LCORL: variants seen among roughly 807,000 people sequenced by gnomAD.
LCORL encodes the protein ligand-dependent nuclear receptor corepressor-like protein.
LCORL carries 41 observed loss-of-function variants against 141.8 expected under a neutral mutation model. That is an observed-to-expected ratio of 0.29 (90% CI 0.23 to 0.38). LCORL has a LOEUF of 0.38. LCORL is among the 10% of genes least tolerant of loss of function. The probability of loss-of-function intolerance (pLI) is 1.00; values close to 1 mark genes in which losing one functional copy is unlikely to be tolerated. For synonymous variants in LCORL, 618 were observed against 694.1 expected (o/e 0.89, Z 1.72); for missense variants, 1,759 against 2,035.0 (o/e 0.86, Z 2.61).
intron 7 of LCORL, among the ~76,000 whole-genome samples, chr4:17,848,880 C>A (rs1442271393): frequency 6.6e-6 from 1 of 152,226 alleles, no homozygotes; most frequent in Non-Finnish European, 1.5e-5. Context: ...GAGATTATAT[C>A]CCACACCTGG....
At chr4:18,007,649 A>G (rs1377815179) in intron 1 of LCORL, among the ~76,000 whole-genome samples, 1 of 152,180 alleles carries the variant, frequency 6.6e-6, no homozygotes, top group Non-Finnish European at 1.5e-5. Context: ...AAGAAAATAT[A>G]AGCAAAAGGA....
chr4:18,021,506 G>A lies in LCORL; in HGVS notation c.154+92C>T. ...TCCCCCACCGAACTAACCCGAACGGGAGATTCAACTAAACCCCTCAGCCAC... is the reference window on the plus strand; with the variant it reads ...TCCCCCACCGAACTAACCCGAACGGAAGATTCAACTAAACCCCTCAGCCAC... On this transcript the variant is annotated intron_variant, in intron 1 of 7. Coordinates refer to ENST00000635767, the Ensembl canonical transcript of LCORL. This position sits in a 1 kb window ranked among gnomAD's most constrained non-coding sequence, Gnocchi z 5.5. 8.8e-7 allele frequency: 1 copy of A among 1,130,902 alleles called. No homozygotes were observed. Among genetic ancestry groups the A allele is most frequent in the Non-Finnish European group, 1.2e-6 (1 of 825,562 alleles). 70.1% of individuals were successfully genotyped at this position (1,130,902 alleles called of 1,614,324 possible). A position where few individuals can be genotyped will look rare whatever the true frequency, so the allele number is the denominator to read the frequency against.
At position 17,871,243 on chromosome 4, in the gene LCORL, T is replaced by TA. The variant is rs200603852; in HGVS notation, c.5602+2144dup. On this transcript the variant is annotated intron_variant, in intron 7 of 7. Coordinates refer to ENST00000635767, the Ensembl canonical transcript of LCORL. ...AAAAATAATGTCCTTGTTGATTGAC[T>TA]AAAAAAAAAGAATGTTAAAAAATAA... Among the ~76,000 whole-genome samples, 8 of 150,046 alleles carry TA rather than the reference T, an allele frequency of 5.3e-5. No individual in the cohort carries two copies. In the East Asian group the frequency reaches 7.8e-4, roughly 15 times the overall value.
At chr4:17,880,733 C>T (rs1056388071) in intron 6 of LCORL, 2 of 969,320 alleles carry the variant, frequency 2.1e-6, no homozygotes, top group Non-Finnish European at 2.5e-6. Flanking sequence ...GTTAACTGAA[C>T]AATTAAAATT....
intron 7 of LCORL, among the ~76,000 whole-genome samples, chr4:17,852,740 T>C (rs2109106046): frequency 6.6e-6 from 1 of 152,248 alleles, no homozygotes; most frequent in South Asian, 2.1e-4. Flanking sequence ...GTTTACAGAG[T>C]ATGTGCATTT....
intron 1 of LCORL, among the ~76,000 whole-genome samples, chr4:17,992,332 C>G (rs1353937793): frequency 6.6e-6 from 1 of 152,112 alleles, no homozygotes; most frequent in Non-Finnish European, 1.5e-5. Flanking sequence ...CATGGAGGAA[C>G]CGCCCCCATG....
intron 4 of LCORL, among the ~76,000 whole-genome samples, chr4:17,935,933 G>A (rs926318153): frequency 6.6e-6 from 1 of 152,106 alleles, no homozygotes; most frequent in Non-Finnish European, 1.5e-5. Context: ...TCCTCTGAAA[G>A]TATATTACAC....
chr4:17,912,216 C>G (rs1320601801), intron 4 of LCORL: 3 of 759,514 alleles, frequency 3.9e-6, no homozygotes, highest in Non-Finnish European at 7.2e-6. Flanking sequence ...CAAAGCTGGC[C>G]GTGCGCCAGT....
chr4:17,882,549 TA>T, intron 6 of LCORL: 1 of 984,726 alleles, frequency 1.0e-6, no homozygotes, highest in South Asian at 4.7e-5. Context: ...GAGTTTACAT[TA>T]CTGAAAGTTC....
At chr4:17,854,127 C>A (rs974225286) in intron 7 of LCORL, among the ~76,000 whole-genome samples, 1 of 151,992 alleles carries the variant, frequency 6.6e-6, no homozygotes, top group African/African-American at 2.4e-5. Flanking sequence ...TAAGCTGGGG[C>A]AGAAGGAAGA....
chr4:17,900,049 T>TA (rs1190738096), intron 5 of LCORL, among the ~76,000 whole-genome samples: 2 of 152,088 alleles, frequency 1.3e-5, no homozygotes, highest in Admixed American at 6.6e-5. Context: ...CAAATTTTTG[T>TA]AAAAAACTGA....
intron 5 of LCORL, among the ~76,000 whole-genome samples, chr4:17,908,663 A>G (rs184723443): frequency 9.2e-5 from 14 of 152,308 alleles, no homozygotes; most frequent in South Asian, 2.1e-4. Flanking sequence ...TTTGTCACAG[A>G]CATTCCATTT....
chr4:17,942,543 C>T (rs557838662), intron 4 of LCORL, among the ~76,000 whole-genome samples: 1 of 152,146 alleles, frequency 6.6e-6, no homozygotes, highest in South Asian at 2.1e-4. Context: ...AAAGCATTTA[C>T]CTAGAAAATA....
intron 1 of LCORL, among the ~76,000 whole-genome samples, chr4:17,998,267 G>A (rs897244851): frequency 6.6e-6 from 1 of 152,024 alleles, no homozygotes; most frequent in Non-Finnish European, 1.5e-5. Flanking sequence ...TACTACTGTG[G>A]ACTTTATAAA....
At chr4:17,848,339 G>C (rs963726982) in intron 7 of LCORL, among the ~76,000 whole-genome samples, 4 of 152,182 alleles carry the variant, frequency 2.6e-5, no homozygotes, top group Admixed American at 1.3e-4. Context: ...ATTACAGCTA[G>C]AAAGTATCTT....
At chr4:17,983,553 T>G (rs1345879134) in intron 1 of LCORL, among the ~76,000 whole-genome samples, 1 of 152,166 alleles carries the variant, frequency 6.6e-6, no homozygotes, top group Non-Finnish European at 1.5e-5. Flanking sequence ...AGTTCCTGAT[T>G]TGGCTCTCGG....
At chr4:17,845,739 G>A (rs138407853) in exon 8 of LCORL, 1 of 1,606,600 alleles carries the variant, frequency 6.2e-7, no homozygotes, top group African/African-American at 1.3e-5. Flanking sequence ...CTTCGCTTTT[G>A]AGATTTTGGT....
intron 5 of LCORL, among the ~76,000 whole-genome samples, chr4:17,905,710 T>G (rs1731500261): frequency 6.6e-6 from 1 of 152,124 alleles, no homozygotes; most frequent in African/African-American, 2.4e-5. Context: ...GGATAGATTA[T>G]CTATTGGATT....
intron 4 of LCORL, among the ~76,000 whole-genome samples, chr4:17,910,832 TACCTGTTTCAAA>T (rs1241056308): frequency 6.6e-5 from 10 of 152,220 alleles, no homozygotes; most frequent in African/African-American, 2.4e-4. Flanking sequence ...AACATTGTAT[TACCTGTTTCAAA>T]ACAAATAATT....
Sources: allele counts gnomAD v4.1 joint callset (sites outside exome capture counted in the v4.1 genomes callset), GRCh38; gene constraint gnomAD v4.1.1; non-coding constraint Gnocchi (gnomAD v3.1); transcripts MANE v1.5; gene names NCBI Gene and HGNC (gene_info 2026-07-23, HGNC 2026-07-21).